The following GPR84 variants were observed in gnomAD, a reference collection of about 807,000 sequenced individuals.
The protein encoded by GPR84 is G protein-coupled receptor 84.
Under a neutral mutation model 14.9 loss-of-function variants are expected in GPR84, and 8 were observed. That is an observed-to-expected ratio of 0.54 (90% CI 0.31 to 0.97). GPR84 has a LOEUF of 0.97. Among genes scored for constraint, GPR84 ranks in the 50% least tolerant of loss-of-function variants. The pLI, the probability that GPR84 is intolerant of heterozygous loss-of-function variation, is 0.04. For missense variants in GPR84, 424 were observed against 498.7 expected (o/e 0.85, Z 1.43); for synonymous variants, 164 against 198.1 (o/e 0.83, Z 1.45).
chr12:54,354,704 C>T, the GPR84 span, among the ~76,000 whole-genome samples: 4 of 151,878 alleles, frequency 2.6e-5, no homozygotes, highest in Non-Finnish European at 5.9e-5. Context: ...CTCGGCCTCC[C>T]AGAGTGCTGG....
At position 54,362,754 on chromosome 12, in the gene GPR84, G is replaced by A; in HGVS notation, c.1098C>T (p.Asn366=). ...GGTTCATGGCTGCATAGAGCACAGG[G>A]TTGATGCAACCATTGAGCCAGGTGA... ...ANLTWLNGCI[N]PVLYAAMNRQ... The change falls in exon 2 of 2, where the codon AAC becomes AAT. Residue 366 remains asparagine (N), a synonymous_variant. Coordinates refer to ENST00000267015, the MANE Select transcript of GPR84 (RefSeq NM_020370.3). This position sits in a 1 kb window ranked among gnomAD's most constrained non-coding sequence, Gnocchi z 4.0. 1 of 1,614,136 alleles carries A rather than the reference G, an allele frequency of 6.2e-7. No homozygotes were observed. Among genetic ancestry groups the A allele is most frequent in the Admixed American group, 1.7e-5 (1 of 60,018 alleles).
the GPR84 span, chr12:54,351,430 A>G: frequency 6.6e-6 from 1 of 152,186 alleles, no homozygotes; most frequent in Non-Finnish European, 1.5e-5. Flanking sequence ...CCCGACATGC[A>G]TTTACTCTCT....
Position 54,363,314 on chromosome 12 carries a change from T to C in GPR84, c.538A>G (p.Thr180Ala). Reference protein sequence around the residue: ...FDRIRGRPYTTILMGIYFVLG... With the variant: ...FDRIRGRPYTAILMGIYFVLG... Reference sequence around the variant, plus strand: ...ACAAAGTAGATGCCCATGAGGATGGTGGTGTAAGGCCGGCCTCGGATGCGG... The same window carrying C: ...ACAAAGTAGATGCCCATGAGGATGGCGGTGTAAGGCCGGCCTCGGATGCGG... Residue 180 changes from threonine (T) to alanine (A), a missense_variant, in exon 2 of 2, where the codon ACC (threonine) becomes GCC (alanine). Thr to Ala is a moderately conservative substitution (Grantham distance 58). Transcript: ENST00000267015. The C allele has an allele frequency of 6.2e-7, 1 of 1,613,920 alleles. No homozygotes were observed. Among genetic ancestry groups the C allele is most frequent in the South Asian group, 1.1e-5 (1 of 91,070 alleles).
Position 54,362,483 on chromosome 12 carries a change from C to T in GPR84, c.*178G>A. 1.7e-6 allele frequency: 1 copy of T among 592,354 alleles called. No individual in the cohort carries two copies. 36.7% of individuals were successfully genotyped at this position (592,354 alleles called of 1,614,324 possible). On this transcript the variant is annotated 3_prime_UTR_variant, in exon 2 of 2. Coordinates refer to ENST00000267015, the MANE Select transcript of GPR84 (RefSeq NM_020370.3). This position sits in a 1 kb window ranked among gnomAD's most constrained non-coding sequence, Gnocchi z 4.0. ...ATTCATTTATTAATAATTAATAATA[C>T]TCCTTGGGCAGTCTAGGGCTGAAAC...
chr12:54,362,981 G>C lies in GPR84; in HGVS notation c.871C>G (p.Pro291Ala), dbSNP rs776475013. 1.8e-5 allele frequency: 29 copies of C among 1,614,066 alleles called. No homozygotes were observed. Among genetic ancestry groups the C allele is most frequent in the Non-Finnish European group, 2.2e-5 (26 of 1,180,040 alleles). The change falls in exon 2 of 2, where the codon CCT (proline) becomes GCT (alanine). Residue 291 changes from proline (P) to alanine (A), a missense_variant. Physicochemically the swap from Pro to Ala is conservative, Grantham distance 27 (BLOSUM62 -1). Coordinates refer to ENST00000267015, the MANE Select transcript of GPR84 (RefSeq NM_020370.3). The surrounding 1 kb of genome is among the most constrained non-coding windows in gnomAD (Gnocchi z 4.0). Reference protein sequence around the residue: ...KRAKQMAEKSPPEASAKAQPI... With the variant: ...KRAKQMAEKSAPEASAKAQPI... ...TGGGCTTTGGCAGATGCTTCTGGAGGGCTTTTCTCTGCCATCTGCTTAGCT... is the reference window on the plus strand; with the variant it reads ...TGGGCTTTGGCAGATGCTTCTGGAGCGCTTTTCTCTGCCATCTGCTTAGCT...
rs1224504669 is a variant in GPR84 at position 54,363,609 on chromosome 12, G to T, written c.243C>A (p.Tyr81Ter). The T allele has an allele frequency of 6.2e-7, 1 of 1,613,988 alleles. No individual in the cohort carries two copies. The highest frequency in any genetic ancestry group is 8.5e-7 in the Non-Finnish European group (1 of 1,179,876). The change falls in exon 2 of 2, where the codon TAC becomes TAA. Residue 81 changes from tyrosine to a stop codon, truncating the protein, a stop_gained. Coordinates refer to ENST00000267015, the MANE Select transcript of GPR84 (RefSeq NM_020370.3). LOFTEE classifies it high-confidence loss of function. Reference protein sequence around the residue: ...TLLQPFSVDTYLHLHWRTGAT... With the variant: ...TLLQPFSVDT ...CACCGGTGCGCCAGTGCAGGTGGAGGTAGGTGTCCACAGAGAAGGGCTGAA... is the reference window on the plus strand; with the variant it reads ...CACCGGTGCGCCAGTGCAGGTGGAGTTAGGTGTCCACAGAGAAGGGCTGAA...
chr12:54,352,344 C>G, the GPR84 span, among the ~76,000 whole-genome samples: 14 of 152,198 alleles, frequency 9.2e-5, no homozygotes, highest in Non-Finnish European at 2.1e-4. Context: ...CTCCCCTCCC[C>G]CTCCTCCACC....
downstream of GPR84, among the ~76,000 whole-genome samples, chr12:54,360,750 G>A (rs955624140): frequency 7.2e-5 from 11 of 152,028 alleles, no homozygotes; most frequent in Non-Finnish European, 1.5e-4. Context: ...GGGAGGGAGG[G>A]GACAACATGC....
At chr12:54,359,630 G>A (rs1239823948), downstream of GPR84, among the ~76,000 whole-genome samples, 1 of 152,126 alleles carries the variant, frequency 6.6e-6, no homozygotes, top group Non-Finnish European at 1.5e-5. Context: ...GAGACAAAGA[G>A]AGACAGACAG....
Position 54,363,514 on chromosome 12 carries a change from AGGCAGAG to A in GPR84, c.331_337del (p.Leu111SerfsTer25). The A allele has an allele frequency of 6.2e-7, 1 of 1,614,016 alleles. No individual in the cohort carries two copies. The highest frequency in any genetic ancestry group is 8.5e-7 in the Non-Finnish European group (1 of 1,179,902). On this transcript the variant is annotated frameshift_variant, in exon 2 of 2. Coordinates refer to ENST00000267015, the MANE Select transcript of GPR84 (RefSeq NM_020370.3). LOFTEE classifies it high-confidence loss of function. ...GAGGAGGTAGCGTCCCAGTGCGATG[AGGCAGAG>A]GGTCAGGATGGAGACAGAATTGGAG...
At chr12:54,359,673 AACAC>A (rs908100500), downstream of GPR84, among the ~76,000 whole-genome samples, 2 of 152,160 alleles carry the variant, frequency 1.3e-5, no homozygotes, top group Admixed American at 1.3e-4. Context: ...AGGGCCTCCA[AACAC>A]ACACACATCC....
downstream of GPR84, among the ~76,000 whole-genome samples, chr12:54,360,503 G>A (rs1056417597): frequency 6.6e-6 from 1 of 152,002 alleles, no homozygotes; most frequent in African/African-American, 2.4e-5. Flanking sequence ...GTTCTTCATT[G>A]GTCCAACAGT....
chr12:54,356,778 G>C, the GPR84 span, among the ~76,000 whole-genome samples: 1 of 152,200 alleles, frequency 6.6e-6, no homozygotes, highest in Non-Finnish European at 1.5e-5. Context: ...TCTGGTGAGG[G>C]AAAACTTGTG....
At chr12:54,351,130 G>A in the GPR84 span, 23,344 of 156,706 alleles carry the variant, frequency 0.15, 1,936 homozygotes, top group East Asian at 0.22. Flanking sequence ...AAGAAACAGC[G>A]ATTTAAATTG....
Position 54,362,754 on chromosome 12 carries a change from G to C in GPR84, c.1098C>G (p.Asn366Lys). Residue 366 changes from asparagine to lysine, a missense_variant, in exon 2 of 2, where the codon AAC becomes AAG. Coordinates refer to ENST00000267015, the MANE Select transcript of GPR84 (RefSeq NM_020370.3). The surrounding 1 kb of genome is among the most constrained non-coding windows in gnomAD (Gnocchi z 4.0). ...GGTTCATGGCTGCATAGAGCACAGG[G>C]TTGATGCAACCATTGAGCCAGGTGA... ...ANLTWLNGCI[N>K]PVLYAAMNRQ... 6.2e-7 allele frequency: 1 copy of C among 1,614,136 alleles called. No homozygotes were observed.
chr12:54,354,306 G>A, the GPR84 span, among the ~76,000 whole-genome samples: 2 of 151,806 alleles, frequency 1.3e-5, no homozygotes, highest in African/African-American at 2.4e-5. Context: ...TTATAGAGAC[G>A]ATGTTTTGCC....
chr12:54,357,927 A>G (rs1954226176), downstream of GPR84, among the ~76,000 whole-genome samples: 1 of 152,120 alleles, frequency 6.6e-6, no homozygotes, highest in Non-Finnish European at 1.5e-5. Context: ...TTCTGCTGCA[A>G]AGCTCTGCAG....
the GPR84 span, chr12:54,350,985 A>T: frequency 3.2e-5 from 6 of 184,668 alleles, no homozygotes; most frequent in Non-Finnish European, 4.7e-5. Flanking sequence ...GGGGGCGGGG[A>T]TGGGTAGGGA....
At chr12:54,355,606 AC>A in the GPR84 span, among the ~76,000 whole-genome samples, 1 of 144,336 alleles carries the variant, frequency 6.9e-6, no homozygotes, top group Non-Finnish European at 1.5e-5. Context: ...CTCACTGCCC[AC>A]CCCCCATGCC....
Sources: allele counts gnomAD v4.1 joint callset (sites outside exome capture counted in the v4.1 genomes callset), GRCh38; gene constraint gnomAD v4.1.1; non-coding constraint Gnocchi (gnomAD v3.1); transcripts MANE v1.5; gene names NCBI Gene and HGNC (gene_info 2026-07-23, HGNC 2026-07-21).